The following LRCH3 variants were observed in gnomAD, a reference collection of about 807,000 sequenced individuals.
LRCH3 encodes the protein leucine rich repeats and calponin homology domain containing 3.
Under a neutral mutation model 104.5 loss-of-function variants are expected in LRCH3, and 68 were observed. That is an observed-to-expected ratio of 0.65 (90% CI 0.54 to 0.80). The LOEUF (loss-of-function observed/expected upper bound fraction) is 0.80, where lower values mean the gene tolerates loss of function less well. Ranked by LOEUF, LRCH3 falls within the 30% of genes least tolerant of loss-of-function variation. The pLI is 0.00. For missense variants in LRCH3, 951 were observed against 953.9 expected, an observed-to-expected ratio of 1.00 and a Z score of 0.04; for synonymous variants, 344 against 361.3, an observed-to-expected ratio of 0.95 and a Z score of 0.54.
At chr3:197,870,460 G>A (rs1300683053) in intron 18 of LRCH3, among the ~76,000 whole-genome samples, 182 bp downstream of exon 18, 1 of 152,098 alleles carries the variant, frequency 6.6e-6, no homozygotes. Context: ...ATGCCTCGTG[G>A]GTTCAAGCAA....
chr3:197,815,053 G>T lies in LRCH3; in HGVS notation c.407+1G>T. On this transcript the variant is annotated splice_donor_variant, in intron 2 of 20. Transcript: ENST00000425562. LOFTEE classifies it high-confidence loss of function. ...AAGCTCTAACATTCTTAAATATTAG[G>T]TAAGAATATTGTTTTCTTATTTTAA... is the stretch of plus-strand genomic sequence containing the variant. 6.9e-7 allele frequency: 1 copy of T among 1,446,150 alleles called. No individual in the cohort carries two copies. Among genetic ancestry groups the T allele is most frequent in the Non-Finnish European group, 9.4e-7 (1 of 1,066,710 alleles). The allele number at this position is 1,446,150 out of a possible 1,614,324, so 89.6% of individuals were successfully genotyped here. A position where few individuals can be genotyped will look rare whatever the true frequency, so the allele number is the denominator to read the frequency against.
At chr3:197,793,294 CTT>C (rs1021008151) in intron 1 of LRCH3, among the ~76,000 whole-genome samples, 30 of 152,274 alleles carry the variant, frequency 2.0e-4, no homozygotes, top group Non-Finnish European at 3.2e-4. Flanking sequence ...TATTTAATCT[CTT>C]TTTGGAAACA....
chr3:197,866,860 T>G (rs2109497579), intron 17 of LRCH3, among the ~76,000 whole-genome samples: 1 of 151,838 alleles, frequency 6.6e-6, no homozygotes, highest in Non-Finnish European at 1.5e-5. Context: ...AAAAATAAGG[T>G]CAGGCGTGGT....
chr3:197,799,436 C>T (rs1478396548), intron 1 of LRCH3, among the ~76,000 whole-genome samples: 2 of 152,182 alleles, frequency 1.3e-5, no homozygotes, highest in Non-Finnish European at 2.9e-5. Context: ...AAAGCATTTC[C>T]TTATTCACTT....
At chr3:197,820,936 G>A (rs1734428072) in intron 4 of LRCH3, among the ~76,000 whole-genome samples, 1 of 152,090 alleles carries the variant, frequency 6.6e-6, no homozygotes, top group African/African-American at 2.4e-5. Flanking sequence ...AGTGTTATCT[G>A]TTCCATTGTG....
rs1732958218 is a variant in LRCH3, at chr3:197,810,121, C to T, written c.263-4787C>T. On this transcript the variant is annotated intron_variant, in intron 1 of 20. Coordinates refer to ENST00000425562, the MANE Select transcript of LRCH3 (RefSeq NM_001365715.1). This position sits in a 1 kb window ranked among gnomAD's most constrained non-coding sequence, Gnocchi z 4.0. The stretch of plus-strand genomic sequence containing the variant: ...AGAGCAGTTATTATCTAAAAGTTTT[C>T]TGTCTTGCTAAGCTACCCTTTCCTG... 6.6e-6 allele frequency among the ~76,000 whole-genome samples: 1 copy of T among 151,980 alleles called. No individual in the cohort carries two copies. Among genetic ancestry groups the T allele is most frequent in the African/African-American group, 2.4e-5 (1 of 41,400 alleles).
At chr3:197,859,260 A>G (rs558832871) in intron 15 of LRCH3, 1 of 231,228 alleles carries the variant, frequency 4.3e-6, no homozygotes, top group African/African-American at 2.3e-5. Flanking sequence ...GTCCAAAAAA[A>G]CTATCACTAC....
intron 2 of LRCH3, 144 bp from the exon 3 acceptor site, chr3:197,817,031 TA>T (rs1733878205): frequency 1.6e-6 from 1 of 610,424 alleles, no homozygotes; most frequent in East Asian, 3.3e-5. Context: ...TGACCACCAG[TA>T]AAACGAAGGC....
chr3:197,841,496 C>T (rs1190159930), intron 10 of LRCH3, among the ~76,000 whole-genome samples: 1 of 152,138 alleles, frequency 6.6e-6, no homozygotes, highest in African/African-American at 2.4e-5. Context: ...GATAATCTCC[C>T]CATTTTAAGG....
chr3:197,834,931 C>T (rs529438996), intron 8 of LRCH3, among the ~76,000 whole-genome samples: 2 of 152,030 alleles, frequency 1.3e-5, no homozygotes, highest in Admixed American at 6.6e-5. Flanking sequence ...ATCGCTTGAG[C>T]CCAGGAGTTG....
At chr3:197,839,248 T>C in intron 9 of LRCH3, 73 bp from the exon 10 acceptor site, 1 of 913,504 alleles carries the variant, frequency 1.1e-6, no homozygotes, top group Admixed American at 2.9e-5. Context: ...AATGACAAAT[T>C]GGATGTGAAC....
At chr3:197,859,647 T>C (rs1286276003) in intron 15 of LRCH3, among the ~76,000 whole-genome samples, 1 of 152,214 alleles carries the variant, frequency 6.6e-6, no homozygotes, top group Non-Finnish European at 1.5e-5. Context: ...ATGTACAAAA[T>C]GATCAATAAT....
rs1714054529 is a variant in LRCH3 at position 197,884,594 on chromosome 3, C to CATAA, written c.*928_*929insATAA. The stretch of plus-strand genomic sequence containing the variant: ...GTGAGCCACTGCGCCCGGCGCCCGG[C>CATAA]CCATTGCACGTGTTTTTCATGTAGT... On this transcript the variant is annotated 3_prime_UTR_variant, in exon 21 of 21. Coordinates refer to ENST00000425562, the MANE Select transcript of LRCH3 (RefSeq NM_001365715.1). 1 of 150,504 alleles carries CATAA rather than the reference C, an allele frequency of 6.6e-6. No individual in the cohort carries two copies. The highest frequency in any genetic ancestry group is 1.5e-5 in the Non-Finnish European group (1 of 67,638). The allele number at this position is 150,504 out of a possible 1,614,324, so 9.3% of individuals were successfully genotyped here.
At chr3:197,829,722 CAAAT>C in intron 6 of LRCH3, 49 bp downstream of exon 6, 1 of 1,271,916 alleles carries the variant, frequency 7.9e-7, no homozygotes, top group South Asian at 1.3e-5. Context: ...TACAGAGAAT[CAAAT>C]AAAATGGATA....
intron 9 of LRCH3, among the ~76,000 whole-genome samples, chr3:197,838,836 T>C (rs1000699730): frequency 6.6e-6 from 1 of 152,180 alleles, no homozygotes; most frequent in Admixed American, 6.5e-5. Flanking sequence ...CTCAAGACTG[T>C]TTGTATGAGT....
rs551718130 is a variant in LRCH3, at chr3:197,869,657, A to G, written c.1874-503A>G. Among the ~76,000 whole-genome samples the G allele has an allele frequency of 8.6e-5, 11 of 128,340 alleles. 2 individuals carry two copies. The highest frequency in any genetic ancestry group is 1.3e-4 in the Non-Finnish European group (8 of 63,332). The allele number at this position is 128,340 out of a possible 152,430, so 84.2% of individuals were successfully genotyped here. A position where few individuals can be genotyped will look rare whatever the true frequency, so the allele number is the denominator to read the frequency against. The stretch of plus-strand genomic sequence containing the variant: ...GTAGAAAGCCATGCAGTGTACCTGC[A>G]GGAGGTAGAAAGCCATGCAGTGTAC... On this transcript the variant is annotated intron_variant, in intron 17 of 20. Transcript: ENST00000425562.
At chr3:197,836,089 G>A (rs1018069625) in intron 9 of LRCH3, among the ~76,000 whole-genome samples, 5 of 152,090 alleles carry the variant, frequency 3.3e-5, no homozygotes, top group African/African-American at 9.7e-5. Context: ...TACTGTTAAG[G>A]CCTTGGAAGA....
chr3:197,820,505 A>G (rs1384643996), intron 4 of LRCH3, 75 bp downstream of exon 4: 2 of 1,003,786 alleles, frequency 2.0e-6, no homozygotes, highest in African/African-American at 3.3e-5. Context: ...CAATCAAGAC[A>G]AAAATGTATA....
chr3:197,851,793 T>C (rs181154323), intron 12 of LRCH3, among the ~76,000 whole-genome samples: 200 of 152,172 alleles, frequency 1.3e-3, no homozygotes, highest in African/African-American at 4.3e-3. Context: ...TCACAGATGG[T>C]GAATAAATCA....
Sources: allele counts gnomAD v4.1 joint callset (sites outside exome capture counted in the v4.1 genomes callset), GRCh38; gene constraint gnomAD v4.1.1; non-coding constraint Gnocchi (gnomAD v3.1); transcripts MANE v1.5; gene names NCBI Gene and HGNC (gene_info 2026-07-23, HGNC 2026-07-21).